The following XPO6 variants were observed in gnomAD, a reference collection of about 807,000 sequenced individuals.
XPO6 encodes the protein exportin 6, also known as exportin-6.
XPO6 carries 3 observed loss-of-function variants against 130.0 expected under a neutral mutation model. The ratio of observed to expected loss-of-function variants is 0.02; its 90% CI spans 0.01 to 0.06. The LOEUF (loss-of-function observed/expected upper bound fraction) is 0.06. Ranked by LOEUF, XPO6 falls within the 10% of genes least tolerant of loss-of-function variation. The pLI, the probability that XPO6 is intolerant of heterozygous loss-of-function variation, is 1.00. For missense variants in XPO6, 970 were observed against 1,393.0 expected (o/e 0.70, Z 4.83); for synonymous variants, 524 against 548.9 (o/e 0.95, Z 0.63).
chr16:28,107,690 A>G lies in XPO6; in HGVS notation c.2342-13T>C. On this transcript the variant is annotated splice_polypyrimidine_tract_variant and intron_variant, in intron 17 of 23. Coordinates refer to ENST00000304658, the MANE Select transcript of XPO6 (RefSeq NM_015171.4). ...ATAATCAGTTTGGCTGCAAATCAAG[A>G]TGAGTTGCAGGTTATAAGCTGTCTG... is the stretch of plus-strand genomic sequence containing the variant. 1 of 1,613,324 alleles carries G rather than the reference A, an allele frequency of 6.2e-7. No homozygotes were observed.
chr16:28,185,462 C>T (rs184228631), intron 1 of XPO6, among the ~76,000 whole-genome samples: 103 of 152,230 alleles, frequency 6.8e-4, no homozygotes, highest in African/African-American at 2.4e-3. Context: ...TGGTAATAGT[C>T]TATTTCTTTA....
chr16:28,211,255 C>A, intron 1 of XPO6, 111 bp downstream of exon 1: 1 of 1,164,952 alleles, frequency 8.6e-7, no homozygotes, highest in Non-Finnish European at 1.1e-6. Context: ...AGGCTCCGCA[C>A]GCGCCTCTCC....
chr16:28,207,181 G>A (rs2044044837), intron 1 of XPO6, among the ~76,000 whole-genome samples: 1 of 151,758 alleles, frequency 6.6e-6, no homozygotes, highest in Non-Finnish European at 1.5e-5. Flanking sequence ...CTGGGAGGCA[G>A]AGGTTGCAGT....
intron 2 of XPO6, among the ~76,000 whole-genome samples, chr16:28,177,982 G>A (rs1045614794): frequency 6.6e-6 from 1 of 152,124 alleles, no homozygotes; most frequent in Non-Finnish European, 1.5e-5. Flanking sequence ...GGTTAGAAAC[G>A]GTTTTCCTCC....
chr16:28,177,478 A>G, intron 2 of XPO6, 146 bp from the exon 3 acceptor site: 1 of 531,038 alleles, frequency 1.9e-6, no homozygotes, highest in Non-Finnish European at 3.4e-6. Flanking sequence ...GATAGAAAGA[A>G]TAAATCATAC....
intron 21 of XPO6, among the ~76,000 whole-genome samples, chr16:28,104,289 G>A (rs1341641138): frequency 6.6e-6 from 1 of 152,190 alleles, no homozygotes; most frequent in African/African-American, 2.4e-5. Flanking sequence ...CGGAACTGAC[G>A]TTTATCAAGC....
chr16:28,122,460 A>G (rs2087268594), intron 13 of XPO6, among the ~76,000 whole-genome samples: 1 of 152,022 alleles, frequency 6.6e-6, no homozygotes, highest in South Asian at 2.1e-4. Flanking sequence ...TGTCTTTTAA[A>G]ATTTTATCCA....
chr16:28,163,660 T>C (rs2043312373), intron 6 of XPO6, among the ~76,000 whole-genome samples: 1 of 152,058 alleles, frequency 6.6e-6, no homozygotes, highest in Non-Finnish European at 1.5e-5. Context: ...TTTTTTAAAG[T>C]CAAGGACATC....
At chr16:28,126,172 T>C (rs2087403138) in intron 12 of XPO6, among the ~76,000 whole-genome samples, 1 of 152,156 alleles carries the variant, frequency 6.6e-6, no homozygotes, top group African/African-American at 2.4e-5. Context: ...CACTGTTACA[T>C]ACAAGGAGGC....
intron 14 of XPO6, 27 bp downstream of exon 14, chr16:28,121,643 T>C (rs770559206): frequency 6.5e-7 from 1 of 1,539,414 alleles, no homozygotes; most frequent in Non-Finnish European, 9.0e-7. Flanking sequence ...TTCCTAAAAA[T>C]GCACAAACAT....
intron 1 of XPO6, among the ~76,000 whole-genome samples, chr16:28,188,731 G>A (rs1366830032): frequency 6.9e-6 from 1 of 144,064 alleles, no homozygotes; most frequent in Non-Finnish European, 1.5e-5. Context: ...CTGTAGGCCT[G>A]CACACAAGTA....
chr16:28,116,451 G>A (rs1236696526), intron 15 of XPO6, among the ~76,000 whole-genome samples: 4 of 144,872 alleles, frequency 2.8e-5, no homozygotes, highest in African/African-American at 1.0e-4. Flanking sequence ...GACAGAGCGA[G>A]ACTCCATCTC....
intron 13 of XPO6, among the ~76,000 whole-genome samples, chr16:28,123,273 A>AT (rs1016451425): frequency 6.6e-6 from 1 of 151,958 alleles, no homozygotes; most frequent in Non-Finnish European, 1.5e-5. Flanking sequence ...ACCCAGCTAA[A>AT]TTTTTTTGTC....
intron 8 of XPO6, among the ~76,000 whole-genome samples, chr16:28,147,001 C>T (rs1200825670): frequency 6.6e-6 from 1 of 152,210 alleles, no homozygotes; most frequent in East Asian, 1.9e-4. Context: ...TGGCTCCAAA[C>T]CCTGATATCT....
intron 1 of XPO6, among the ~76,000 whole-genome samples, chr16:28,206,541 C>A (rs2044034172): frequency 6.6e-6 from 1 of 152,048 alleles, no homozygotes; most frequent in African/African-American, 2.4e-5. Flanking sequence ...GAGCAAGACC[C>A]TGTCTCAAAA....
intron 7 of XPO6, among the ~76,000 whole-genome samples, chr16:28,154,833 G>A (rs891906287): frequency 2.0e-5 from 3 of 149,874 alleles, no homozygotes; most frequent in Non-Finnish European, 1.5e-5. Flanking sequence ...AACATATGAA[G>A]AGATAGACAT....
At chr16:28,194,301 C>T (rs1424435895) in intron 1 of XPO6, among the ~76,000 whole-genome samples, 2 of 152,038 alleles carry the variant, frequency 1.3e-5, no homozygotes, top group Non-Finnish European at 2.9e-5. Context: ...CCAAGAATGC[C>T]AAATGCCTTT....
chr16:28,155,731 T>G, intron 7 of XPO6: 1 of 216,956 alleles, frequency 4.6e-6, no homozygotes, highest in Non-Finnish European at 9.0e-6. Flanking sequence ...TGTTCTTGGC[T>G]ACGCAGGAGC....
chr16:28,204,089 A>T (rs1021729966), intron 1 of XPO6, among the ~76,000 whole-genome samples: 1 of 151,982 alleles, frequency 6.6e-6, no homozygotes, highest in Non-Finnish European at 1.5e-5. Context: ...CCCTTTGAAC[A>T]CCCAAGACCT....
Sources: gnomAD v4.1 joint callset for allele counts (sites outside exome capture counted in the v4.1 genomes callset) on GRCh38, gnomAD v4.1.1 for gene constraint, MANE v1.5 for transcripts, NCBI Gene and HGNC (gene_info 2026-07-23, HGNC 2026-07-21) for gene names.